Variants in TTC34 observed in about 807,000 individuals in gnomAD.
TTC34 encodes tetratricopeptide repeat domain 34.
TTC34 carries 44 observed loss-of-function variants against 40.7 expected under a neutral mutation model. The ratio of observed to expected loss-of-function variants is 1.08; its 90% confidence interval spans 0.85 to 1.39. TTC34 has a LOEUF of 1.39. Ranked by LOEUF, TTC34 falls within the 40% of genes most tolerant of loss-of-function variation. The pLI, the probability that TTC34 is intolerant of heterozygous loss-of-function variation, is 0.00. For missense variants in TTC34, 884 were observed against 838.0 expected (o/e 1.05, Z -0.68); for synonymous variants, 422 against 398.6 (o/e 1.06, Z -0.70).
intron 6 of TTC34, among the ~76,000 whole-genome samples, chr1:2,752,724 C>T (rs1230191359): frequency 2.3e-5 from 3 of 133,302 alleles, no homozygotes; most frequent in Non-Finnish European, 4.7e-5. Context: ...CATGGAACAG[C>T]ACCCTGCACC....
chr1:2,683,754 C>A lies in TTC34; in HGVS notation c.2227-38191G>T, dbSNP rs574051986. ...TGATATCCTGGAACAGCACCCACAC[C>A]CCCAGGTGAGCATCTGACAGGCTGG... On this transcript the variant is annotated intron_variant, in intron 6 of 8. Coordinates refer to ENST00000401095, the Ensembl canonical transcript of TTC34. Among the ~76,000 whole-genome samples the A allele has an allele frequency of 1.5e-4, 22 of 146,906 alleles. No individual in the cohort carries two copies. The East Asian group carries it at 2.9e-3, about 19-fold the overall frequency.
At chr1:2,695,098 G>GCAACA (rs1640801141) in intron 6 of TTC34, among the ~76,000 whole-genome samples, 3 of 129,830 alleles carry the variant, frequency 2.3e-5, no homozygotes, top group Non-Finnish European at 3.5e-5. Flanking sequence ...CTGACAACCT[G>GCAACA]GAACAGCACC....
At chr1:2,750,198 C>G (rs1276119663) in intron 6 of TTC34, among the ~76,000 whole-genome samples, 5,829 of 106,052 alleles carry the variant, frequency 0.055, 2 homozygotes, top group African/African-American at 0.12. Flanking sequence ...GGGTCGGCAC[C>G]CACACCCCCA....
intron 6 of TTC34, among the ~76,000 whole-genome samples, chr1:2,688,289 TCCCAGGCGA>T (rs1640463806): frequency 6.2e-5 from 2 of 32,420 alleles, no homozygotes; most frequent in African/African-American, 1.2e-4. Context: ...GCACCCACAC[TCCCAGGCGA>T]GCATCTGACA....
chr1:2,787,616 C>T (rs1643607932), exon 4 of TTC34: 1 of 1,550,002 alleles, frequency 6.5e-7, no homozygotes, highest in Admixed American at 2.0e-5. Flanking sequence ...CCAGGCGGTA[C>T]AGGGCATCAG....
At chr1:2,767,709 G>A (rs1192970924) in intron 6 of TTC34, among the ~76,000 whole-genome samples, 35 of 133,914 alleles carry the variant, frequency 2.6e-4, no homozygotes, top group African/African-American at 9.7e-4. Flanking sequence ...CTGACTACCT[G>A]GAACAGAACC....
At chr1:2,692,657 AC>A (rs1413672398) in intron 6 of TTC34, among the ~76,000 whole-genome samples, 1,834 of 30,846 alleles carry the variant, frequency 0.059, 1 homozygote, top group Non-Finnish European at 0.082. Context: ...GTGGAGCAGC[AC>A]CCCACACCCA....
Position 2,644,500 on chromosome 1 carries a change from C to T in TTC34, c.2498-22G>A, listed in dbSNP as rs1006234240. 2.6e-6 allele frequency: 4 copies of T among 1,526,860 alleles called. No individual in the cohort carries two copies. In the African/African-American group the frequency reaches 4.1e-5, roughly 16 times the overall value. 94.6% of individuals were successfully genotyped at this position (1,526,860 alleles called of 1,614,324 possible). On this transcript the variant is annotated intron_variant, in intron 7 of 8. Transcript: ENST00000401095. ...CTGCCTGTCAGGGATTCAGGAGGGA[C>T]AGTCAGTGTGTGGGGTTGGGCAGAG...
intron 3 of TTC34, among the ~76,000 whole-genome samples, chr1:2,788,848 T>C (rs960934752): frequency 6.6e-6 from 1 of 152,098 alleles, no homozygotes; most frequent in African/African-American, 2.4e-5. Flanking sequence ...TCCCAGCACT[T>C]TGGGAGGCCC....
At chr1:2,794,725 A>G (rs1643696690) in intron 2 of TTC34, among the ~76,000 whole-genome samples, 1 of 152,188 alleles carries the variant, frequency 6.6e-6, no homozygotes, top group Admixed American at 6.5e-5. Context: ...TATGATATTT[A>G]TGGTGGGTTT....
intron 3 of TTC34, among the ~76,000 whole-genome samples, chr1:2,788,481 C>T (rs1290529902): frequency 6.6e-6 from 1 of 151,914 alleles, no homozygotes; most frequent in African/African-American, 2.4e-5. Context: ...GATGCCCCTC[C>T]AAGAACCGCC....
At chr1:2,749,527 C>T (rs2100425145) in intron 6 of TTC34, among the ~76,000 whole-genome samples, 3 of 57,442 alleles carry the variant, frequency 5.2e-5, no homozygotes, top group Admixed American at 1.6e-4. Flanking sequence ...CCCAGATTCC[C>T]AGGCAAGCAT....
rs144730804 is a variant in TTC34 at position 2,699,949 on chromosome 1, G to C, written c.2227-54386C>G. The stretch of plus-strand genomic sequence containing the variant: ...CTCCCACACACCCAGGTAAGCATCT[G>C]ACAGCCTGGAGAAATGCTCACACCC... On this transcript the variant is annotated intron_variant, in intron 6 of 8. Transcript: ENST00000401095. Among the ~76,000 whole-genome samples, 413 of 80,434 alleles carry C rather than the reference G, an allele frequency of 5.1e-3. 28 individuals are homozygous for C. Among genetic ancestry groups the C allele is most frequent in the Admixed American group, 0.015 (106 of 6,980 alleles). 52.8% of individuals were successfully genotyped at this position (80,434 alleles called of 152,430 possible).
exon 2 of TTC34, chr1:2,800,177 C>T (rs954975210): frequency 2.8e-5 from 11 of 398,458 alleles, no homozygotes; most frequent in African/African-American, 8.2e-5. Context: ...GGTCCAGAGC[C>T]GCCAGGAGTC....
At chr1:2,676,919 C>T (rs374420118) in intron 6 of TTC34, among the ~76,000 whole-genome samples, 1 of 141,808 alleles carries the variant, frequency 7.1e-6, no homozygotes, top group Non-Finnish European at 1.5e-5. Flanking sequence ...CCTGGAGCAG[C>T]ACCCACACCC....
In TTC34 at chr1:2,752,013, C is replaced by G. The variant is rs1263295350; in HGVS notation, c.2226+31596G>C. Reference sequence around the variant, plus strand: ...CAGCCTGGAGCAGTGCCCACACACCCAGCTGAGCATCTGACAGCGTGGAGC... The same window carrying G: ...CAGCCTGGAGCAGTGCCCACACACCGAGCTGAGCATCTGACAGCGTGGAGC... On this transcript the variant is annotated intron_variant, in intron 6 of 8. Transcript: ENST00000401095. Among the ~76,000 whole-genome samples the G allele has an allele frequency of 3.9e-5, 4 of 102,636 alleles. 1 individual carries two copies. In the East Asian group the frequency reaches 1.1e-3, roughly 28 times the overall value. 67.3% of individuals were successfully genotyped at this position (102,636 alleles called of 152,430 possible).
At chr1:2,640,614 C>G (rs1301357644) in exon 9 of TTC34, 2 of 152,160 alleles carry the variant, frequency 1.3e-5, no homozygotes, top group Non-Finnish European at 2.9e-5. Flanking sequence ...TATGGGCTGG[C>G]TGGGCCCATT....
At chr1:2,798,471 C>T (rs1455347461) in intron 2 of TTC34, among the ~76,000 whole-genome samples, 2 of 111,468 alleles carry the variant, frequency 1.8e-5, no homozygotes, top group African/African-American at 7.4e-5. Flanking sequence ...GCCTCCCAGC[C>T]TCTCAGCCTC....
chr1:2,764,448 G>A (rs1301799717), intron 6 of TTC34, among the ~76,000 whole-genome samples: 158 of 47,634 alleles, frequency 3.3e-3, no homozygotes, highest in Middle Eastern at 0.017. Context: ...GACAGCCTGG[G>A]GCAGTGCCCA....
Sources: gnomAD v4.1 joint callset for allele counts (sites outside exome capture counted in the v4.1 genomes callset) on GRCh38, gnomAD v4.1.1 for gene constraint, MANE v1.5 for transcripts, NCBI Gene and HGNC (gene_info 2026-07-23, HGNC 2026-07-21) for gene names.